Variants in NBEA observed in about 807,000 individuals in gnomAD.
NBEA encodes the protein lysosomal-trafficking regulator 2.
Under a neutral mutation model 343.4 loss-of-function variants are expected in NBEA, and 44 were observed. The ratio of observed to expected loss-of-function variants is 0.13; its 90% CI spans 0.10 to 0.16. NBEA has a LOEUF of 0.16. NBEA is among the 10% of genes least tolerant of loss of function. The probability of loss-of-function intolerance (pLI) is 1.00; values close to 1 mark genes in which losing one functional copy is unlikely to be tolerated. For missense variants in NBEA, 2,555 were observed against 3,631.3 expected (o/e 0.70, Z 7.62); for synonymous variants, 1,175 against 1,238.7 (o/e 0.95, Z 1.08).
intron 39 of NBEA, among the ~76,000 whole-genome samples, chr13:35,433,454 A>G (rs1358408961): frequency 6.6e-6 from 1 of 152,036 alleles, no homozygotes; most frequent in African/African-American, 2.4e-5. Flanking sequence ...GTATTATATC[A>G]AATCATAGTT....
At chr13:35,049,068 A>G (rs1014312170) in intron 5 of NBEA, among the ~76,000 whole-genome samples, 2 of 151,882 alleles carry the variant, frequency 1.3e-5, no homozygotes, top group Middle Eastern at 3.2e-3. Context: ...TTCTATGAGC[A>G]TAACTGACAT....
chr13:35,403,268 T>C (rs1370813626), intron 38 of NBEA, among the ~76,000 whole-genome samples: 1 of 152,074 alleles, frequency 6.6e-6, no homozygotes, highest in Non-Finnish European at 1.5e-5. Flanking sequence ...ATAACAAATA[T>C]TAATAATAGC....
intron 1 of NBEA, among the ~76,000 whole-genome samples, chr13:34,978,868 A>C (rs897811096): frequency 6.6e-6 from 1 of 152,206 alleles, no homozygotes; most frequent in Non-Finnish European, 1.5e-5. Context: ...TCTTCTACTC[A>C]TGGAACTCTA....
Position 35,582,062 on chromosome 13 carries a change from G to A in NBEA, c.7036-1836G>A, listed in dbSNP as rs190430759. 6.1e-3 allele frequency among the ~76,000 whole-genome samples: 923 copies of A among 152,182 alleles called. 9 individuals are homozygous for A. Among genetic ancestry groups the A allele is most frequent in the Admixed American group, 0.013 (201 of 15,294 alleles). On this transcript the variant is annotated intron_variant, in intron 45 of 58. Coordinates refer to ENST00000379939, the MANE Select transcript of NBEA (RefSeq NM_001385012.1). The stretch of plus-strand genomic sequence containing the variant: ...AGCACTTTGGGAGGCCCAGGCGGGC[G>A]AATCATGAGGTCAGGAGATTGAGAC...
chr13:35,533,449 T>C (rs967882064), intron 41 of NBEA, among the ~76,000 whole-genome samples: 1 of 152,064 alleles, frequency 6.6e-6, no homozygotes, highest in African/African-American at 2.4e-5. Flanking sequence ...CACATATAGG[T>C]ATGTCCCTTT....
chr13:35,365,455 C>T (rs1364369368), intron 38 of NBEA, among the ~76,000 whole-genome samples: 2 of 151,626 alleles, frequency 1.3e-5, no homozygotes, highest in East Asian at 3.9e-4. Flanking sequence ...TAAAGTGAGG[C>T]TATCACAGTC....
chr13:35,039,889 A>G (rs1190718707), intron 1 of NBEA, among the ~76,000 whole-genome samples: 1 of 152,060 alleles, frequency 6.6e-6, no homozygotes, highest in Admixed American at 6.6e-5. Context: ...ACTTTTAGCC[A>G]CCTTCAATGT....
chr13:35,172,152 A>C (rs2070511233), intron 26 of NBEA, among the ~76,000 whole-genome samples: 1 of 152,064 alleles, frequency 6.6e-6, no homozygotes, highest in Non-Finnish European at 1.5e-5. Context: ...CGTTCCTGAT[A>C]TGTACTGTTT....
chr13:35,480,960 A>C (rs962884896), intron 41 of NBEA, among the ~76,000 whole-genome samples: 1 of 151,984 alleles, frequency 6.6e-6, no homozygotes, highest in Non-Finnish European at 1.5e-5. Context: ...TTCATCTTTT[A>C]ATATCAGATT....
At chr13:35,598,593 A>T (rs1566385832) in intron 47 of NBEA, among the ~76,000 whole-genome samples, 1 of 152,218 alleles carries the variant, frequency 6.6e-6, no homozygotes, top group Admixed American at 6.5e-5. Flanking sequence ...TCAAATTAGA[A>T]AAAGCTAATA....
At chr13:35,521,435 T>C (rs2077709119) in intron 41 of NBEA, among the ~76,000 whole-genome samples, 1 of 152,218 alleles carries the variant, frequency 6.6e-6, no homozygotes, top group Non-Finnish European at 1.5e-5. Flanking sequence ...TAAAAGATCA[T>C]TTATTTTAAG....
chr13:35,445,773 T>C (rs1026534235), intron 39 of NBEA, among the ~76,000 whole-genome samples: 9 of 122,030 alleles, frequency 7.4e-5, no homozygotes, highest in South Asian at 2.6e-4. Context: ...AATTCTAAGA[T>C]ATAAATGTTT....
Position 35,472,532 on chromosome 13 carries a change from C to G in NBEA, c.6581C>G (p.Thr2194Arg), listed in dbSNP as rs774077819. Residue 2194 changes from threonine (T) to arginine (R), a missense_variant, in exon 41 of 59, where the codon ACG becomes AGG. Thr to Arg is a moderately conservative substitution (Grantham distance 71, BLOSUM62 -1). Coordinates refer to ENST00000379939, the MANE Select transcript of NBEA (RefSeq NM_001385012.1). Reference protein sequence around the residue: ...EDDSAFKKIDTKVLAYTEGLH... With the variant: ...EDDSAFKKIDRKVLAYTEGLH... ...GATTCTGCCTTCAAGAAGATCGACA[C>G]GAAAGTGAGTTAAAGCGATTCCATG... 1.2e-6 allele frequency: 2 copies of G among 1,613,966 alleles called. No individual in the cohort carries two copies. Among genetic ancestry groups the G allele is most frequent in the South Asian group, 1.1e-5 (1 of 91,082 alleles).
Position 35,051,162 on chromosome 13 carries a change from G to C in NBEA, c.972+767G>C, listed in dbSNP as rs149983583. On this transcript the variant is annotated intron_variant, in intron 6 of 58. Coordinates refer to ENST00000379939, the MANE Select transcript of NBEA (RefSeq NM_001385012.1). ...AAAGAAAACCAGGACAGAGTGCATA[G>C]GGGTACCCGTCACACATGTTTAAGG... is the stretch of plus-strand genomic sequence containing the variant. Among the ~76,000 whole-genome samples the C allele has an allele frequency of 2.2e-3, 341 of 152,048 alleles. 3 individuals carry two copies. The highest frequency in any genetic ancestry group is 7.9e-3 in the African/African-American group (328 of 41,518).
Position 35,174,949 on chromosome 13 carries a change from C to T in NBEA, c.4554+1355C>T, listed in dbSNP as rs191546846. Among the ~76,000 whole-genome samples, 560 of 151,998 alleles carry T rather than the reference C, an allele frequency of 3.7e-3. 5 individuals carry two copies. Among genetic ancestry groups the T allele is most frequent in the South Asian group, 7.5e-3 (36 of 4,814 alleles). ...CTGGGACTACAGATGTGTGCCACCA[C>T]GCCCAGCTAATTTTTCTATTTTTAG... is the stretch of plus-strand genomic sequence containing the variant. On this transcript the variant is annotated intron_variant, in intron 27 of 58. Coordinates refer to ENST00000379939, the MANE Select transcript of NBEA (RefSeq NM_001385012.1).
At chr13:35,274,070 T>G (rs957631215) in intron 34 of NBEA, among the ~76,000 whole-genome samples, 1 of 151,956 alleles carries the variant, frequency 6.6e-6, no homozygotes, top group African/African-American at 2.4e-5. Context: ...AAAAAAAGAA[T>G]TTTAGACCAA....
chr13:35,468,499 T>C (rs2075496417), intron 40 of NBEA, among the ~76,000 whole-genome samples: 1 of 152,200 alleles, frequency 6.6e-6, no homozygotes, highest in African/African-American at 2.4e-5. Context: ...CTAGATAAGA[T>C]TGATTGAAAT....
At chr13:35,594,947 TCA>T (rs71196581) in intron 47 of NBEA, among the ~76,000 whole-genome samples, 17,081 of 110,762 alleles carry the variant, frequency 0.15, 988 homozygotes, top group East Asian at 0.24. Flanking sequence ...TTTGACATCA[TCA>T]CACACACACA....
At chr13:35,294,902 C>T (rs988540471) in intron 35 of NBEA, among the ~76,000 whole-genome samples, 2 of 151,664 alleles carry the variant, frequency 1.3e-5, no homozygotes, top group African/African-American at 2.4e-5. Flanking sequence ...GAAGAAACAG[C>T]CTGAGCCCTG....
Sources: gnomAD v4.1 joint callset for allele counts (sites outside exome capture counted in the v4.1 genomes callset) on GRCh38, gnomAD v4.1.1 for gene constraint, MANE v1.5 for transcripts, NCBI Gene and HGNC (gene_info 2026-07-23, HGNC 2026-07-21) for gene names.